ZFYVE16: variants seen among roughly 807,000 people sequenced by gnomAD.
The protein encoded by ZFYVE16 is zinc finger FYVE domain-containing protein 16.
Under a neutral mutation model 138.1 loss-of-function variants are expected in ZFYVE16, and 89 were observed. That is an observed-to-expected ratio of 0.64 (90% CI 0.54 to 0.77). The LOEUF is 0.77. Ranked by LOEUF, ZFYVE16 falls within the 30% of genes least tolerant of loss-of-function variation. The pLI, the probability that ZFYVE16 is intolerant of heterozygous loss-of-function variation, is 0.00. For missense variants in ZFYVE16, 1,793 were observed against 1,786.7 expected, an observed-to-expected ratio of 1.00 and a Z score of -0.06; for synonymous variants, 596 against 618.3, an observed-to-expected ratio of 0.96 and a Z score of 0.53.
At chr5:80,411,299 A>G (rs1745423921) in intron 1 of ZFYVE16, among the ~76,000 whole-genome samples, 1 of 152,140 alleles carries the variant, frequency 6.6e-6, no homozygotes, top group South Asian at 2.1e-4. Context: ...GCTTATAAAA[A>G]AAAAGTAAAA....
At chr5:80,472,622 G>T in intron 15 of ZFYVE16, 139 bp from the exon 16 acceptor site, 1 of 906,214 alleles carries the variant, frequency 1.1e-6, no homozygotes, top group Admixed American at 2.9e-5. Flanking sequence ...TTTCCTAGTG[G>T]AAAACAACCA....
At chr5:80,424,176 A>T (rs1054172026) in intron 1 of ZFYVE16, among the ~76,000 whole-genome samples, 2 of 151,764 alleles carry the variant, frequency 1.3e-5, no homozygotes, top group African/African-American at 2.4e-5. Context: ...CGAACTCCTG[A>T]CCTCAGGTGA....
At position 80,434,127 on chromosome 5, in the gene ZFYVE16, C is replaced by T. The variant is rs375888570; in HGVS notation, c.-21C>T. On this transcript the variant is annotated 5_prime_UTR_variant, in exon 3 of 19. Transcript: ENST00000505560. ...TTTTTAGGCATACAAGAATTAAATT[C>T]TGAATAAGTCTGCAGGTAGGATGGA... 1 of 1,603,836 alleles carries T rather than the reference C, an allele frequency of 6.2e-7. No homozygotes were observed. Among genetic ancestry groups the T allele is most frequent in the South Asian group, 1.1e-5 (1 of 89,010 alleles).
At chr5:80,472,600 A>C (rs1488020709) in intron 15 of ZFYVE16, among the ~76,000 whole-genome samples, 161 bp from the exon 16 acceptor site, 1 of 152,118 alleles carries the variant, frequency 6.6e-6, no homozygotes, top group East Asian at 1.9e-4. Context: ...ACTTTGCAAA[A>C]TACTTGTCTT....
At position 80,450,579 on chromosome 5, in the gene ZFYVE16, T is replaced by C; in HGVS notation, c.3375T>C (p.Ala1125=). 6.2e-7 allele frequency: 1 copy of C among 1,613,078 alleles called. No individual in the cohort carries two copies. Among genetic ancestry groups the C allele is most frequent in the Non-Finnish European group, 8.5e-7 (1 of 1,179,546 alleles). The change falls in exon 10 of 19, where the codon GCT becomes GCC. Residue 1125 remains alanine, a synonymous_variant. Transcript: ENST00000505560. ...FRLFITIYKD[A]LKGKYIENLD... is the part of the protein sequence containing the mutation. ...TATTTATCACCATATATAAGGATGCTCTAAAAGGTATGGCATTTTATTTTG... is the reference window on the plus strand; with the variant it reads ...TATTTATCACCATATATAAGGATGCCCTAAAAGGTATGGCATTTTATTTTG...
At chr5:80,412,578 A>C (rs573969857) in intron 1 of ZFYVE16, among the ~76,000 whole-genome samples, 7 of 152,176 alleles carry the variant, frequency 4.6e-5, no homozygotes, top group African/African-American at 1.4e-4. Context: ...ATCTTTTTTT[A>C]TATCTTTCTT....
intron 15 of ZFYVE16, 141 bp downstream of exon 15, chr5:80,459,635 C>A: frequency 1.5e-6 from 1 of 648,604 alleles, no homozygotes; most frequent in Non-Finnish European, 2.5e-6. Flanking sequence ...TCAACCAGCA[C>A]AAGAAGTAGA....
At chr5:80,421,347 G>A (rs1161490255) in intron 1 of ZFYVE16, among the ~76,000 whole-genome samples, 4 of 152,172 alleles carry the variant, frequency 2.6e-5, no homozygotes, top group Non-Finnish European at 5.9e-5. Context: ...TTGCTTTGGT[G>A]TTTTAGACAT....
In ZFYVE16 at chr5:80,434,159, T is replaced by C. The variant is rs139164403; in HGVS notation, c.12T>C (p.Tyr4=). 33 of 1,613,290 alleles carry C rather than the reference T, an allele frequency of 2.0e-5. No homozygotes were observed. Among genetic ancestry groups the C allele is most frequent in the Middle Eastern group, 3.3e-4 (2 of 6,070 alleles). The change falls in exon 3 of 19, where the codon TAT becomes TAC. Residue 4 remains tyrosine (Y), a synonymous_variant. Coordinates refer to ENST00000505560, the MANE Select transcript of ZFYVE16 (RefSeq NM_001284236.3). MDS[Y]FKAAVSDLDK... ...AGTCTGCAGGTAGGATGGACAGTTA[T>C]TTTAAAGCAGCTGTCAGTGACTTGG...
chr5:80,456,970 A>G lies in ZFYVE16; in HGVS notation c.3821A>G (p.Asn1274Ser), dbSNP rs1380979033. The change falls in exon 14 of 19, where the codon AAT (asparagine) becomes AGT (serine). Residue 1274 changes from asparagine (N) to serine (S), a missense_variant. Coordinates refer to ENST00000505560, the MANE Select transcript of ZFYVE16 (RefSeq NM_001284236.3). ...SDVMKVLNSS[N>S]EHVISIGASF... Reference sequence around the variant, plus strand: ...GTAATGAAAGTACTAAATTCTTCCAATGAGCATGTCATTAGCATTGGAGCA... The same window carrying G: ...GTAATGAAAGTACTAAATTCTTCCAGTGAGCATGTCATTAGCATTGGAGCA... 2 of 1,601,166 alleles carry G rather than the reference A, an allele frequency of 1.2e-6. No homozygotes were observed. Among genetic ancestry groups the G allele is most frequent in the East Asian group, 2.2e-5 (1 of 44,666 alleles).
At chr5:80,471,151 G>C (rs1425454344) in intron 15 of ZFYVE16, among the ~76,000 whole-genome samples, 1 of 152,130 alleles carries the variant, frequency 6.6e-6, no homozygotes, top group African/African-American at 2.4e-5. Flanking sequence ...TGTCCATATG[G>C]ATAAGATAGG....
rs1212842383 is a variant in ZFYVE16, at chr5:80,480,004, G to A, written c.*2627G>A. ...GTTCCCACACTAGTAATGCCTCCAG[G>A]TGACAGAGAAAATAAAATGTAAATA... On this transcript the variant is annotated 3_prime_UTR_variant, in exon 19 of 19. Coordinates refer to ENST00000505560, the MANE Select transcript of ZFYVE16 (RefSeq NM_001284236.3). Among the ~76,000 whole-genome samples the A allele has an allele frequency of 6.6e-6, 1 of 152,122 alleles. No homozygotes were observed. The highest frequency in any genetic ancestry group is 1.5e-5 in the Non-Finnish European group (1 of 68,018).
chr5:80,438,261 C>A lies in ZFYVE16; in HGVS notation c.1576C>A (p.Pro526Thr). 1 of 1,613,948 alleles carries A rather than the reference C, an allele frequency of 6.2e-7. No individual in the cohort carries two copies. The highest frequency in any genetic ancestry group is 8.5e-7 in the Non-Finnish European group (1 of 1,179,930). Residue 526 changes from proline (P) to threonine (T), a missense_variant, in exon 4 of 19, where the codon CCA (proline) becomes ACA (threonine). Pro to Thr is a conservative substitution (Grantham distance 38). Around this residue, in one of 2 missense-constraint regions of ZFYVE16, gnomAD observed 1,295 missense variants for 1,204.3 expected, o/e 1.08. Coordinates refer to ENST00000505560, the MANE Select transcript of ZFYVE16 (RefSeq NM_001284236.3). ...TATTGATGAAGGCGCAAAAAGTGGCCCACTAATTAGTGATGCTGAACTTGA... is the reference window on the plus strand; with the variant it reads ...TATTGATGAAGGCGCAAAAAGTGGCACACTAATTAGTGATGCTGAACTTGA... ...FNIDEGAKSG[P>T]LISDAELDAF...
rs764160474 is a variant in ZFYVE16, at chr5:80,436,795, A to T, written c.110A>T (p.Asp37Val). The change falls in exon 4 of 19, where the codon GAT becomes GTT. Residue 37 changes from aspartate (D) to valine (V), a missense_variant. Physicochemically the swap from Asp to Val is radical, Grantham distance 152. Coordinates refer to ENST00000505560, the MANE Select transcript of ZFYVE16 (RefSeq NM_001284236.3). The stretch of plus-strand genomic sequence containing the variant: ...CTCCAAGATGTACAAAATGCATATG[A>T]TTCTAACCACTGCTCAGTTTCTTCA... ...DYLQDVQNAY[D>V]SNHCSVSSEL... is the part of the protein sequence containing the mutation. 1 of 1,614,086 alleles carries T rather than the reference A, an allele frequency of 6.2e-7. No individual in the cohort carries two copies. The highest frequency in any genetic ancestry group is 1.7e-5 in the Admixed American group (1 of 60,010).
In ZFYVE16 at chr5:80,443,252, C is replaced by T; in HGVS notation, c.2549C>T (p.Pro850Leu). The change falls in exon 6 of 19, where the codon CCA becomes CTA. Residue 850 changes from proline (P) to leucine (L), a missense_variant. Physicochemically the swap from Pro to Leu is moderately conservative, Grantham distance 98 (BLOSUM62 -3). Coordinates refer to ENST00000505560, the MANE Select transcript of ZFYVE16 (RefSeq NM_001284236.3). ...AGTATACCTTCACCAGCAACTTTGC[C>T]AGTCTCAGCACTTAAACAACCAGGT... The part of the protein sequence containing the change: ...TSSIPSPATL[P>L]VSALKQPGVE... 1.2e-6 allele frequency: 2 copies of T among 1,610,958 alleles called. No individual in the cohort carries two copies. Among genetic ancestry groups the T allele is most frequent in the South Asian group, 2.2e-5 (2 of 90,320 alleles).
chr5:80,440,588 A>G (rs1477710837), intron 5 of ZFYVE16: 2 of 974,404 alleles, frequency 2.1e-6, no homozygotes, highest in African/African-American at 3.7e-5. Flanking sequence ...TACACTTCCC[A>G]TTATTTCTTT....
rs1755261758 is a variant in ZFYVE16 at position 80,481,309 on chromosome 5, A to G, written c.*3932A>G. 2.0e-5 allele frequency among the ~76,000 whole-genome samples: 3 copies of G among 152,236 alleles called. No individual in the cohort carries two copies. The highest frequency in any genetic ancestry group is 2.0e-4 in the Admixed American group (3 of 15,284). ...AATGGGGTTCTAGAAACCAGAGTAT[A>G]GGTAAGATCACAAATAGGAGGGAAC... On this transcript the variant is annotated 3_prime_UTR_variant, in exon 19 of 19. Coordinates refer to ENST00000505560, the MANE Select transcript of ZFYVE16 (RefSeq NM_001284236.3).
intron 7 of ZFYVE16, 26 bp downstream of exon 7, chr5:80,445,431 T>G: frequency 1.3e-6 from 2 of 1,593,144 alleles, no homozygotes; most frequent in Non-Finnish European, 1.7e-6. Context: ...AATAACTTAA[T>G]TGACTAAACA....
chr5:80,479,220 T>G lies in ZFYVE16; in HGVS notation c.*1843T>G, dbSNP rs1157440606. 6.6e-6 allele frequency: 1 copy of G among 152,230 alleles called. No individual in the cohort carries two copies. Among genetic ancestry groups the G allele is most frequent in the African/African-American group, 2.4e-5 (1 of 41,460 alleles). 9.4% of individuals were successfully genotyped at this position (152,230 alleles called of 1,614,324 possible). ...TTGGTACTTAATTTGAAATTTTAAT[T>G]TTTTAAGAGAAGAAATAGAATGGTT... On this transcript the variant is annotated 3_prime_UTR_variant, in exon 19 of 19. Coordinates refer to ENST00000505560, the MANE Select transcript of ZFYVE16 (RefSeq NM_001284236.3).
Sources: gnomAD v4.1 joint callset for allele counts (sites outside exome capture counted in the v4.1 genomes callset) on GRCh38, gnomAD v4.1.1 for gene constraint, gnomAD v4.1.1 regional missense constraint, MANE v1.5 for transcripts, NCBI Gene and HGNC (gene_info 2026-07-23, HGNC 2026-07-21) for gene names.